LYPD6B: variants seen among roughly 807,000 people sequenced by gnomAD.
LYPD6B encodes the protein ly6/PLAUR domain-containing protein 6B.
A neutral mutation model predicts 22.8 loss-of-function variants in LYPD6B; 17 were observed. The observed-to-expected ratio is 0.75, with a 90% CI of 0.51 to 1.12. The LOEUF is 1.12. Among genes scored for constraint, LYPD6B ranks in the 50% most tolerant of loss-of-function variants. The pLI, the probability that LYPD6B is intolerant of heterozygous loss-of-function variation, is 0.00. For missense variants in LYPD6B, 221 were observed against 258.3 expected (o/e 0.86, Z 0.99); for synonymous variants, 106 against 91.6 (o/e 1.16, Z -0.90).
intron 1 of LYPD6B, among the ~76,000 whole-genome samples, chr2:149,125,428 G>A (rs543074438): frequency 5.9e-5 from 9 of 152,270 alleles, no homozygotes; most frequent in Non-Finnish European, 1.2e-4. Flanking sequence ...CCTGCCTCCA[G>A]GGGCCATGGA....
At chr2:149,145,212 T>C (rs1471618196) in intron 2 of LYPD6B, among the ~76,000 whole-genome samples, 1 of 152,194 alleles carries the variant, frequency 6.6e-6, no homozygotes, top group Non-Finnish European at 1.5e-5. Flanking sequence ...AGTTTCCTTC[T>C]GTTAGTCCAG....
chr2:149,175,702 A>G (rs1413145385), intron 3 of LYPD6B, among the ~76,000 whole-genome samples: 1 of 145,968 alleles, frequency 6.9e-6, no homozygotes, highest in Admixed American at 7.1e-5. Flanking sequence ...TCTATTTTTA[A>G]AATTTTTAAT....
At chr2:149,120,383 A>ATATATATTTTTTTTT (rs1327065975) in intron 1 of LYPD6B, among the ~76,000 whole-genome samples, 1 of 48,614 alleles carries the variant, frequency 2.1e-5, no homozygotes, top group African/African-American at 1.1e-4. Context: ...ATATATATAT[A>ATATATATTTTTTTTT]TTTTTTTTTT....
At chr2:149,192,938 T>A (rs1221254406) in intron 3 of LYPD6B, among the ~76,000 whole-genome samples, 1 of 151,942 alleles carries the variant, frequency 6.6e-6, no homozygotes, top group Non-Finnish European at 1.5e-5. Context: ...GAGTGTTAAG[T>A]GGGGGAGTGA....
At chr2:149,073,024 A>C (rs1684693857) in intron 1 of LYPD6B, among the ~76,000 whole-genome samples, 1 of 152,222 alleles carries the variant, frequency 6.6e-6, no homozygotes. Flanking sequence ...AGGAGGCCAG[A>C]ATGGCTGGAG....
At chr2:149,201,833 C>A (rs538356617) in intron 3 of LYPD6B, among the ~76,000 whole-genome samples, 1 of 152,270 alleles carries the variant, frequency 6.6e-6, no homozygotes, top group East Asian at 1.9e-4. Flanking sequence ...GTATACTTCT[C>A]GTTAGTTTTC....
chr2:149,157,763 C>T (rs1014922898), intron 2 of LYPD6B, among the ~76,000 whole-genome samples: 2 of 152,188 alleles, frequency 1.3e-5, no homozygotes, highest in African/African-American at 4.8e-5. Context: ...CTGTGTTCTT[C>T]TGAGGACCTA....
chr2:149,070,783 T>C (rs958008886), intron 1 of LYPD6B, among the ~76,000 whole-genome samples: 4 of 152,234 alleles, frequency 2.6e-5, no homozygotes, highest in Admixed American at 6.5e-5. Flanking sequence ...CTCTCATTAG[T>C]ATCTGGTGTA....
At chr2:149,087,826 T>G (rs1295882123) in intron 1 of LYPD6B, among the ~76,000 whole-genome samples, 2 of 152,200 alleles carry the variant, frequency 1.3e-5, no homozygotes, top group Non-Finnish European at 2.9e-5. Context: ...AATCAGAGCC[T>G]ATGTAAACAG....
intron 1 of LYPD6B, among the ~76,000 whole-genome samples, chr2:149,041,161 G>A (rs1683068764): frequency 6.9e-6 from 1 of 144,952 alleles, no homozygotes; most frequent in Non-Finnish European, 1.5e-5. Context: ...TCTAGGCCAT[G>A]TGGTAGGATT....
intron 1 of LYPD6B, among the ~76,000 whole-genome samples, chr2:149,082,359 C>T (rs750897773): frequency 1.3e-5 from 2 of 152,168 alleles, no homozygotes; most frequent in African/African-American, 2.4e-5. Flanking sequence ...ACAAAACCTA[C>T]GTCAGGAAGC....
rs76122229 is a variant in LYPD6B at position 149,140,589 on chromosome 2, C to A, written c.5+9636C>A. 5.9e-3 allele frequency among the ~76,000 whole-genome samples: 900 copies of A among 152,318 alleles called. 10 individuals carry two copies. The highest frequency in any genetic ancestry group is 0.021 in the African/African-American group (863 of 41,572). ...TGGACCGTGAGAGCCAATGTCCCTC[C>A]CACACTCTTAGATTCAAATAATCTC... On this transcript the variant is annotated intron_variant, in intron 2 of 6. Transcript: ENST00000409642.
chr2:149,090,448 A>G (rs1338469664), intron 1 of LYPD6B, among the ~76,000 whole-genome samples: 1 of 152,168 alleles, frequency 6.6e-6, no homozygotes, highest in Admixed American at 6.5e-5. Flanking sequence ...CCATTTTAGA[A>G]TTCTTTTCTT....
intron 1 of LYPD6B, among the ~76,000 whole-genome samples, chr2:149,077,190 A>G (rs529896463): frequency 6.6e-6 from 1 of 152,318 alleles, no homozygotes; most frequent in East Asian, 1.9e-4. Context: ...ATTCCCAGGA[A>G]GTTGCTTGCA....
intron 1 of LYPD6B, among the ~76,000 whole-genome samples, chr2:149,097,087 G>C (rs1208053108): frequency 2.0e-5 from 3 of 152,220 alleles, no homozygotes; most frequent in Non-Finnish European, 4.4e-5. Flanking sequence ...AAACGCCCTA[G>C]GAGCTGTGCA....
intron 1 of LYPD6B, among the ~76,000 whole-genome samples, chr2:149,111,809 A>G (rs1239722316): frequency 6.6e-6 from 1 of 152,150 alleles, no homozygotes; most frequent in Non-Finnish European, 1.5e-5. Flanking sequence ...CCAACATTTA[A>G]AAGTCAGGAA....
chr2:149,128,143 T>C (rs900789597), intron 1 of LYPD6B, among the ~76,000 whole-genome samples: 2 of 152,222 alleles, frequency 1.3e-5, no homozygotes, highest in Non-Finnish European at 2.9e-5. Flanking sequence ...TGTTTTTTCT[T>C]CTTGGAAATG....
chr2:149,110,554 A>G (rs979034823), intron 1 of LYPD6B, among the ~76,000 whole-genome samples: 2 of 152,162 alleles, frequency 1.3e-5, no homozygotes, highest in Non-Finnish European at 2.9e-5. Context: ...GTACTCCCCA[A>G]TATTGAGGGA....
At chr2:149,046,608 T>G (rs1286576485) in intron 1 of LYPD6B, among the ~76,000 whole-genome samples, 1 of 151,944 alleles carries the variant, frequency 6.6e-6, no homozygotes, top group Non-Finnish European at 1.5e-5. Flanking sequence ...GACCTCCTGG[T>G]CTTGAGCATT....
Sources: allele counts gnomAD v4.1 joint callset (sites outside exome capture counted in the v4.1 genomes callset), GRCh38; gene constraint gnomAD v4.1.1; transcripts MANE v1.5; gene names NCBI Gene and HGNC (gene_info 2026-07-23, HGNC 2026-07-21).